Variants in BNIP2 observed in about 807,000 individuals in gnomAD.
BNIP2 encodes BCL2/adenovirus E1B 19 kDa protein-interacting protein 2.
BNIP2 carries 36 observed loss-of-function variants against 43.4 expected under a neutral mutation model. The observed-to-expected ratio is 0.83, with a 90% confidence interval of 0.64 to 1.10. The LOEUF (loss-of-function observed/expected upper bound fraction) is 1.10, where lower values mean the gene tolerates loss of function less well. Ranked by LOEUF, BNIP2 falls within the 50% of genes least tolerant of loss-of-function variation. The pLI, the probability that BNIP2 is intolerant of heterozygous loss-of-function variation, is 0.00. For synonymous variants in BNIP2, 146 were observed against 121.0 expected (o/e 1.21, Z -1.35); for missense variants, 417 against 374.1 (o/e 1.11, Z -0.95).
At chr15:59,679,839 T>A in intron 3 of BNIP2, 71 bp from the exon 4 acceptor site, 1 of 1,268,326 alleles carries the variant, frequency 7.9e-7, no homozygotes, top group Non-Finnish European at 1.0e-6. Context: ...ATAAGAAAAA[T>A]TTTAACTACC....
intron 6 of BNIP2, 129 bp from the exon 7 acceptor site, chr15:59,671,443 C>T (rs1390936995): frequency 4.4e-6 from 3 of 687,742 alleles, no homozygotes; most frequent in Non-Finnish European, 6.7e-6. Context: ...AATGCTCAAA[C>T]CGCATTAGCT....
intron 5 of BNIP2, among the ~76,000 whole-genome samples, chr15:59,673,503 C>T (rs1313275413): frequency 3.3e-5 from 5 of 152,176 alleles, no homozygotes; most frequent in African/African-American, 9.7e-5. Context: ...ACAGCTCATG[C>T]AGCCTTGAAC....
At chr15:59,687,235 T>C (rs924523816) in intron 1 of BNIP2, among the ~76,000 whole-genome samples, 2 of 152,144 alleles carry the variant, frequency 1.3e-5, no homozygotes, top group African/African-American at 4.8e-5. Flanking sequence ...TAGTTAGAAA[T>C]ATTAGTTGCA....
intron 1 of BNIP2, among the ~76,000 whole-genome samples, chr15:59,683,903 T>C (rs1421159469): frequency 1.3e-5 from 2 of 152,196 alleles, no homozygotes; most frequent in African/African-American, 4.8e-5. Context: ...AACAATACTA[T>C]CTGTGACTTT....
chr15:59,680,433 G>T, intron 2 of BNIP2, 125 bp from the exon 3 acceptor site: 1 of 703,976 alleles, frequency 1.4e-6, no homozygotes, highest in African/African-American at 1.8e-5. Context: ...CAGTGTTGTT[G>T]TTTTTGAGAC....
Position 59,677,923 on chromosome 15 carries a change from T to A in BNIP2, c.460A>T (p.Ile154Phe), listed in dbSNP as rs745336105. The change falls in exon 5 of 10, where the codon ATC (isoleucine) becomes TTC (phenylalanine). Residue 154 changes from isoleucine to phenylalanine, a missense_variant. By Grantham distance (21) the Ile-to-Phe change is conservative (BLOSUM62 0). Coordinates refer to ENST00000607373, the MANE Select transcript of BNIP2 (RefSeq NM_004330.4). Reference protein sequence around the residue: ...MKAIEPYKKVISHGGYYGDGL... With the variant: ...MKAIEPYKKVFSHGGYYGDGL... ...CAGTAACTCTTACCCCCATGGCTGA[T>A]AACTTTTTTATAGGGTTCAATTGCC... 6.6e-5 allele frequency: 106 copies of A among 1,606,352 alleles called. No individual in the cohort carries two copies. Among genetic ancestry groups the A allele is most frequent in the Non-Finnish European group, 2.5e-6 (3 of 1,177,754 alleles).
chr15:59,662,104 A>G lies in BNIP2; in HGVS notation c.*1965T>C, dbSNP rs1379161557. The stretch of plus-strand genomic sequence containing the variant: ...AAATCAAAAATCAAAATAATGCAAA[A>G]AAGAGTTGAAGTTATTCTTCATATT... On this transcript the variant is annotated 3_prime_UTR_variant, in exon 10 of 10. Transcript: ENST00000607373. The G allele has an allele frequency of 1.3e-5, 2 of 152,218 alleles. No individual in the cohort carries two copies. Among genetic ancestry groups the G allele is most frequent in the Non-Finnish European group, 2.9e-5 (2 of 68,036 alleles). The allele number at this position is 152,218 out of a possible 1,614,324, so 9.4% of individuals were successfully genotyped here.
chr15:59,673,630 T>G (rs553342001), intron 5 of BNIP2, among the ~76,000 whole-genome samples: 22 of 152,272 alleles, frequency 1.4e-4, no homozygotes, highest in African/African-American at 5.3e-4. Flanking sequence ...AGGGTTTCAC[T>G]GTGTTGCTCA....
intron 5 of BNIP2, chr15:59,676,773 G>A: frequency 6.7e-7 from 1 of 1,492,542 alleles, no homozygotes; most frequent in South Asian, 1.2e-5. Context: ...GATGAGCGGA[G>A]CTTTTCGGAT....
chr15:59,667,868 A>C (rs1392904579), intron 9 of BNIP2, among the ~76,000 whole-genome samples: 1 of 152,222 alleles, frequency 6.6e-6, no homozygotes, highest in African/African-American at 2.4e-5. Context: ...AGGAGAGAGA[A>C]GGGTCTGTGG....
Position 59,664,044 on chromosome 15 carries a change from G to A in BNIP2, c.*25C>T. ...CACTGCTCCATCAGCACATTCTTCA[G>A]TCTTGTTTGGACTAGATGCCAAACT... On this transcript the variant is annotated 3_prime_UTR_variant, in exon 10 of 10. Coordinates refer to ENST00000607373, the MANE Select transcript of BNIP2 (RefSeq NM_004330.4). The A allele has an allele frequency of 6.6e-7, 1 of 1,524,790 alleles. No individual in the cohort carries two copies. Among genetic ancestry groups the A allele is most frequent in the Non-Finnish European group, 8.9e-7 (1 of 1,129,262 alleles). The allele number at this position is 1,524,790 out of a possible 1,614,324, so 94.5% of individuals were successfully genotyped here. A position where few individuals can be genotyped will look rare whatever the true frequency, so the allele number is the denominator to read the frequency against.
chr15:59,668,594 GATCA>G (rs1431106365), intron 9 of BNIP2, among the ~76,000 whole-genome samples: 1 of 152,178 alleles, frequency 6.6e-6, no homozygotes, highest in Non-Finnish European at 1.5e-5. Flanking sequence ...CTTTAGTACT[GATCA>G]ATTAGAGAAA....
At chr15:59,685,679 C>G (rs1166876792) in intron 1 of BNIP2, among the ~76,000 whole-genome samples, 2 of 152,130 alleles carry the variant, frequency 1.3e-5, no homozygotes, top group African/African-American at 4.8e-5. Flanking sequence ...AATCAATTAT[C>G]TAGTTAAACA....
At chr15:59,677,591 A>G (rs1239878419) in intron 5 of BNIP2, among the ~76,000 whole-genome samples, 1 of 152,200 alleles carries the variant, frequency 6.6e-6, no homozygotes, top group Non-Finnish European at 1.5e-5. Context: ...AAGTAATGTC[A>G]GCAAAGAACA....
intron 1 of BNIP2, among the ~76,000 whole-genome samples, chr15:59,683,125 T>G (rs1206884098): frequency 3.3e-5 from 5 of 152,260 alleles, no homozygotes; most frequent in African/African-American, 1.2e-4. Flanking sequence ...GCTCGGCATA[T>G]GTTTTCAAAC....
Position 59,662,425 on chromosome 15 carries a change from C to G in BNIP2, c.*1644G>C, listed in dbSNP as rs776676757. On this transcript the variant is annotated 3_prime_UTR_variant, in exon 10 of 10. Transcript: ENST00000607373. ...CACTGTAATGACATTAGTTCAGGAT[C>G]TGCCAAGAGCTGCTGGATCTGAGTT... is the stretch of plus-strand genomic sequence containing the variant. 2.0e-5 allele frequency: 3 copies of G among 152,230 alleles called. No individual in the cohort carries two copies. Among genetic ancestry groups the G allele is most frequent in the Non-Finnish European group, 2.9e-5 (2 of 68,036 alleles). 9.4% of individuals were successfully genotyped at this position (152,230 alleles called of 1,614,324 possible). A position where few individuals can be genotyped will look rare whatever the true frequency, so the allele number is the denominator to read the frequency against.
intron 2 of BNIP2, among the ~76,000 whole-genome samples, chr15:59,681,222 G>A (rs1309461532): frequency 6.6e-6 from 1 of 152,142 alleles, no homozygotes; most frequent in African/African-American, 2.4e-5. Flanking sequence ...CTATCCAACT[G>A]CTAAGGCACC....
At chr15:59,668,230 T>C in intron 9 of BNIP2, 1 of 804,352 alleles carries the variant, frequency 1.2e-6, no homozygotes, top group Non-Finnish European at 1.8e-6. Context: ...TCATTTAAAT[T>C]TTCCAGCAAA....
intron 5 of BNIP2, chr15:59,676,870 G>A (rs1566969810): frequency 1.3e-5 from 20 of 1,586,916 alleles, no homozygotes; most frequent in Admixed American, 1.8e-5. Flanking sequence ...GGCTCTCGCT[G>A]CGTTCGCTCA....
Sources: gnomAD v4.1 joint callset for allele counts (sites outside exome capture counted in the v4.1 genomes callset) on GRCh38, gnomAD v4.1.1 for gene constraint, MANE v1.5 for transcripts, NCBI Gene and HGNC (gene_info 2026-07-23, HGNC 2026-07-21) for gene names.